The following ROBO2 variants were observed in gnomAD, a reference collection of about 807,000 sequenced individuals.
The protein encoded by ROBO2 is roundabout homolog 2.
ROBO2 carries 53 observed loss-of-function variants against 160.8 expected under a neutral mutation model. The ratio of observed to expected loss-of-function variants is 0.33; its 90% confidence interval spans 0.26 to 0.41. ROBO2 has a LOEUF of 0.41. ROBO2 is among the 10% of genes least tolerant of loss of function. ROBO2 has a pLI of 1.00. For missense variants in ROBO2, 1,577 were observed against 1,722.4 expected (o/e 0.92, Z 1.49); for synonymous variants, 664 against 611.7 (o/e 1.09, Z -1.26).
intron 2 of ROBO2, among the ~76,000 whole-genome samples, chr3:76,583,771 CCAAAT>C (rs1454955811): frequency 7.2e-5 from 11 of 152,010 alleles, no homozygotes; most frequent in Non-Finnish European, 1.6e-4. Context: ...GCCTTTAGCC[CCAAAT>C]CTACTATAAC....
chr3:77,323,829 C>T (rs1275726975), intron 2 of ROBO2, among the ~76,000 whole-genome samples: 7 of 152,128 alleles, frequency 4.6e-5, no homozygotes, highest in East Asian at 1.9e-4. Flanking sequence ...GCTTGGAAAT[C>T]ACTTGGCATT....
intron 2 of ROBO2, among the ~76,000 whole-genome samples, chr3:76,856,542 C>A (rs945045513): frequency 6.6e-6 from 1 of 152,178 alleles, no homozygotes; most frequent in South Asian, 2.1e-4. Context: ...TCTTCATCTA[C>A]CCTGCCCCTA....
At chr3:76,530,006 G>C (rs1361320975) in intron 2 of ROBO2, among the ~76,000 whole-genome samples, 1 of 152,040 alleles carries the variant, frequency 6.6e-6, no homozygotes, top group African/African-American at 2.4e-5. Context: ...CTTCTATTCT[G>C]TGTCCTTTTA....
At chr3:77,372,068 A>G (rs2071835963) in intron 2 of ROBO2, among the ~76,000 whole-genome samples, 1 of 152,174 alleles carries the variant, frequency 6.6e-6, no homozygotes, top group Non-Finnish European at 1.5e-5. Flanking sequence ...TTGTCCTGTG[A>G]ATATCTAAAG....
intron 2 of ROBO2, among the ~76,000 whole-genome samples, chr3:76,833,968 TTC>T (rs1171077001): frequency 1.0e-4 from 15 of 149,424 alleles, no homozygotes; most frequent in African/African-American, 2.4e-4. Flanking sequence ...CTTCCTTTCT[TTC>T]TCTTTCTTTT....
intron 2 of ROBO2, among the ~76,000 whole-genome samples, chr3:76,736,263 C>T (rs2093710488): frequency 2.6e-5 from 1 of 37,994 alleles, no homozygotes; most frequent in Non-Finnish European, 4.6e-5. Context: ...GCCTGGGCGA[C>T]AGAGCGAGAC....
At chr3:76,842,380 T>C (rs528393401) in intron 2 of ROBO2, among the ~76,000 whole-genome samples, 2 of 152,276 alleles carry the variant, frequency 1.3e-5, no homozygotes, top group East Asian at 1.9e-4. Context: ...TTGTCCACAT[T>C]ATTAGTCCTG....
At chr3:77,414,521 T>C (rs1416250400) in intron 2 of ROBO2, among the ~76,000 whole-genome samples, 2 of 152,024 alleles carry the variant, frequency 1.3e-5, no homozygotes, top group Non-Finnish European at 2.9e-5. Context: ...CTAGTTAAGT[T>C]AGAAAAATTA....
chr3:77,404,103 T>C (rs62249791), intron 2 of ROBO2, among the ~76,000 whole-genome samples: 11,705 of 152,208 alleles, frequency 0.077, 530 homozygotes, highest in African/African-American at 0.1. Context: ...GCAAAAATGT[T>C]ATATGACAGT....
At chr3:77,277,213 TTC>T (rs1553882837) in intron 2 of ROBO2, among the ~76,000 whole-genome samples, 21 of 64,702 alleles carry the variant, frequency 3.2e-4, no homozygotes, top group Non-Finnish European at 6.1e-4. Flanking sequence ...TCTTTCTTTC[TTC>T]TTTCTTTCTT....
At chr3:77,581,027 C>G (rs894949863) in intron 16 of ROBO2, among the ~76,000 whole-genome samples, 1 of 152,076 alleles carries the variant, frequency 6.6e-6, no homozygotes, top group East Asian at 1.9e-4. Flanking sequence ...GTGATTTTAG[C>G]CATTCTAATT....
intron 2 of ROBO2, among the ~76,000 whole-genome samples, chr3:76,047,986 G>A (rs536844340): frequency 2.0e-5 from 3 of 152,102 alleles, no homozygotes; most frequent in Non-Finnish European, 4.4e-5. Flanking sequence ...AGCCCTCAAA[G>A]TTGGTGATTT....
intron 2 of ROBO2, among the ~76,000 whole-genome samples, chr3:76,549,665 C>T (rs550748978): frequency 5.0e-4 from 76 of 152,284 alleles, no homozygotes; most frequent in African/African-American, 1.7e-3. Flanking sequence ...CCATCAATAA[C>T]GTAGTGACGC....
At chr3:77,000,580 A>AT (rs1411476109) in intron 2 of ROBO2, among the ~76,000 whole-genome samples, 2 of 129,414 alleles carry the variant, frequency 1.5e-5, no homozygotes, top group African/African-American at 3.2e-5. Flanking sequence ...CATTTTCATG[A>AT]CTTTTTTTCT....
intron 23 of ROBO2, chr3:77,632,834 C>T (rs1239141218): frequency 2.2e-6 from 1 of 457,568 alleles, no homozygotes; most frequent in African/African-American, 2.0e-5. Flanking sequence ...TTTTGCAGAG[C>T]CAAGAATAGA....
intron 2 of ROBO2, among the ~76,000 whole-genome samples, chr3:76,089,247 A>G (rs2069132924): frequency 6.6e-6 from 1 of 152,080 alleles, no homozygotes; most frequent in Non-Finnish European, 1.5e-5. Context: ...GAGGAATTTT[A>G]CCATACATTT....
chr3:77,068,914 T>G (rs1267941621), intron 1 of ROBO2, among the ~76,000 whole-genome samples: 1 of 152,186 alleles, frequency 6.6e-6, no homozygotes, highest in African/African-American at 2.4e-5. Flanking sequence ...AAGTCATTAG[T>G]ATAAATCAGG....
At chr3:75,974,957 G>A (rs938428247) in intron 2 of ROBO2, among the ~76,000 whole-genome samples, 2 of 151,358 alleles carry the variant, frequency 1.3e-5, no homozygotes, top group African/African-American at 4.8e-5. Context: ...TTTTTGTCGG[G>A]CTATAACATA....
At chr3:77,177,549 G>T (rs9821462) in intron 2 of ROBO2, among the ~76,000 whole-genome samples, 2 of 151,628 alleles carry the variant, frequency 1.3e-5, no homozygotes, top group African/African-American at 2.4e-5. Flanking sequence ...CTATGTAACT[G>T]GTTGTTATAC....
Sources: gnomAD v4.1 joint callset for allele counts (sites outside exome capture counted in the v4.1 genomes callset) on GRCh38, gnomAD v4.1.1 for gene constraint, MANE v1.5 for transcripts, NCBI Gene and HGNC (gene_info 2026-07-23, HGNC 2026-07-21) for gene names.